Variants in PTPN13 observed in about 807,000 individuals in gnomAD.
The protein encoded by PTPN13 is tyrosine-protein phosphatase non-receptor type 13.
A neutral mutation model predicts 284.0 loss-of-function variants in PTPN13; 191 were observed. The observed-to-expected ratio is 0.67, with a 90% CI of 0.60 to 0.76. The LOEUF is 0.76. Ranked by LOEUF, PTPN13 falls within the 30% of genes least tolerant of loss-of-function variation. The probability of loss-of-function intolerance (pLI) is 0.00; values close to 1 mark genes in which losing one functional copy is unlikely to be tolerated. For missense variants in PTPN13, 2,797 were observed against 2,939.9 expected (o/e 0.95, Z 1.12); for synonymous variants, 986 against 1,022.3 (o/e 0.96, Z 0.68).
At chr4:86,616,775 A>G (rs1219190887) in intron 1 of PTPN13, among the ~76,000 whole-genome samples, 2 of 152,180 alleles carry the variant, frequency 1.3e-5, no homozygotes, top group Admixed American at 6.5e-5. Context: ...CATGCTTTCT[A>G]TAAAGCCTAC....
At chr4:86,699,341 G>A (rs1730896709) in intron 6 of PTPN13, among the ~76,000 whole-genome samples, 1 of 151,920 alleles carries the variant, frequency 6.6e-6, no homozygotes, top group African/African-American at 2.4e-5. Context: ...AGCCAAGATG[G>A]CGCCACTGCA....
chr4:86,793,012 T>C (rs896629424), intron 40 of PTPN13, among the ~76,000 whole-genome samples: 2 of 152,006 alleles, frequency 1.3e-5, no homozygotes, highest in Admixed American at 1.3e-4. Flanking sequence ...CATAACAATA[T>C]TAACCGTAAG....
chr4:86,738,465 T>C (rs1217819733), intron 15 of PTPN13, among the ~76,000 whole-genome samples: 4 of 152,232 alleles, frequency 2.6e-5, no homozygotes, highest in Admixed American at 2.6e-4. Context: ...TTACTATTTA[T>C]GTTGACCAAT....
At position 86,594,492 on chromosome 4, in the gene PTPN13, G is replaced by C. The variant is rs1457866962; in HGVS notation, c.-303G>C. On this transcript the variant is annotated 5_prime_UTR_variant, in exon 1 of 48. Transcript: ENST00000411767. ...AGGTTTTGGCGAAGCTCTTGGAGAGGCGTCGAGCACAGTAGGGCGGCGGGG... is the reference window on the plus strand; with the variant it reads ...AGGTTTTGGCGAAGCTCTTGGAGAGCCGTCGAGCACAGTAGGGCGGCGGGG... 6.6e-6 allele frequency: 1 copy of C among 152,478 alleles called. No individual in the cohort carries two copies. The highest frequency in any genetic ancestry group is 1.5e-5 in the Non-Finnish European group (1 of 68,158). The allele number at this position is 152,478 out of a possible 1,614,324, so 9.4% of individuals were successfully genotyped here.
At chr4:86,617,564 A>G (rs999473692) in intron 1 of PTPN13, among the ~76,000 whole-genome samples, 4 of 152,012 alleles carry the variant, frequency 2.6e-5, no homozygotes, top group African/African-American at 9.7e-5. Flanking sequence ...TCCTAATGCT[A>G]TCCCTCCCCC....
At chr4:86,715,194 A>G (rs547239725) in intron 7 of PTPN13, among the ~76,000 whole-genome samples, 6 of 152,078 alleles carry the variant, frequency 3.9e-5, no homozygotes, top group African/African-American at 1.4e-4. Context: ...TTAAATTTAT[A>G]TTTAAATTGT....
rs552751174 is a variant in PTPN13 at position 86,806,816 on chromosome 4, G to T, written c.6746-744G>T. On this transcript the variant is annotated intron_variant, in intron 44 of 47. Transcript: ENST00000411767. Reference sequence around the variant, plus strand: ...AAATAGAAATAGAAATAACTTCTAAGGTATGTAATACATATAAATTTATTC... The same window carrying T: ...AAATAGAAATAGAAATAACTTCTAATGTATGTAATACATATAAATTTATTC... Among the ~76,000 whole-genome samples, 9 of 152,208 alleles carry T rather than the reference G, an allele frequency of 5.9e-5. No homozygotes were observed. In the South Asian group the frequency reaches 1.9e-3, roughly 32 times the overall value.
intron 1 of PTPN13, among the ~76,000 whole-genome samples, chr4:86,607,819 G>A (rs909385056): frequency 7.2e-5 from 11 of 151,850 alleles, no homozygotes; most frequent in African/African-American, 2.2e-4. Flanking sequence ...TTTTTTCAAG[G>A]TCTTCCTCTA....
At chr4:86,751,813 A>G (rs922569775) in intron 19 of PTPN13, among the ~76,000 whole-genome samples, 5 of 152,108 alleles carry the variant, frequency 3.3e-5, no homozygotes, top group African/African-American at 1.2e-4. Context: ...AAAACCTTAG[A>G]TAATTTTATG....
chr4:86,747,218 C>T (rs1010048587), intron 17 of PTPN13, among the ~76,000 whole-genome samples: 3 of 152,226 alleles, frequency 2.0e-5, no homozygotes, highest in Non-Finnish European at 2.9e-5. Flanking sequence ...AGCTCAGGAG[C>T]CAAATTGCCA....
At chr4:86,639,520 C>T (rs1473318816) in intron 2 of PTPN13, among the ~76,000 whole-genome samples, 2 of 152,114 alleles carry the variant, frequency 1.3e-5, no homozygotes, top group Non-Finnish European at 2.9e-5. Context: ...GAGTTCATGT[C>T]CTTTGTAGGG....
At chr4:86,749,411 A>T (rs1323708628) in intron 17 of PTPN13, among the ~76,000 whole-genome samples, 1 of 152,108 alleles carries the variant, frequency 6.6e-6, no homozygotes, top group Non-Finnish European at 1.5e-5. Flanking sequence ...TAGCAGTCAA[A>T]CTTAGTTCTG....
intron 1 of PTPN13, among the ~76,000 whole-genome samples, chr4:86,607,157 T>A (rs530130853): frequency 3.8e-4 from 57 of 151,886 alleles, no homozygotes; most frequent in African/African-American, 1.1e-3. Context: ...ATCTTTTTTT[T>A]AAAAAAAGTC....
intron 2 of PTPN13, among the ~76,000 whole-genome samples, chr4:86,659,114 CT>C (rs1413397729): frequency 6.6e-6 from 1 of 151,998 alleles, no homozygotes. Flanking sequence ...ATAACATTGT[CT>C]AATAGAAATA....
At chr4:86,737,974 C>A (rs553993225) in intron 15 of PTPN13, among the ~76,000 whole-genome samples, 17 of 152,286 alleles carry the variant, frequency 1.1e-4, no homozygotes, top group African/African-American at 4.1e-4. Flanking sequence ...GTGATCCGCC[C>A]ACCTTGGCCT....
chr4:86,667,560 C>T (rs1394915564), intron 2 of PTPN13, among the ~76,000 whole-genome samples: 2 of 151,966 alleles, frequency 1.3e-5, no homozygotes, highest in Non-Finnish European at 2.9e-5. Context: ...TATTCTGAAC[C>T]ATTTATTTTC....
At chr4:86,597,998 C>G (rs1252787681) in intron 1 of PTPN13, among the ~76,000 whole-genome samples, 1 of 152,118 alleles carries the variant, frequency 6.6e-6, no homozygotes, top group East Asian at 1.9e-4. Context: ...TGAAAATTCT[C>G]TGAAACAAAC....
At chr4:86,638,868 G>T (rs1723382610) in intron 2 of PTPN13, among the ~76,000 whole-genome samples, 1 of 152,204 alleles carries the variant, frequency 6.6e-6, no homozygotes, top group South Asian at 2.1e-4. Context: ...CACAGCAAAA[G>T]AAACTACCAT....
intron 15 of PTPN13, among the ~76,000 whole-genome samples, chr4:86,736,522 A>G (rs1468928612): frequency 2.6e-5 from 4 of 152,266 alleles, no homozygotes; most frequent in East Asian, 1.9e-4. Context: ...GACTTACATT[A>G]CCTTTAATCT....
Sources: gnomAD v4.1 joint callset for allele counts (sites outside exome capture counted in the v4.1 genomes callset) on GRCh38, gnomAD v4.1.1 for gene constraint, MANE v1.5 for transcripts, NCBI Gene and HGNC (gene_info 2026-07-23, HGNC 2026-07-21) for gene names.